The following NFIA variants were observed in gnomAD, a reference collection of about 807,000 sequenced individuals.
NFIA encodes nuclear factor 1 A-type.
In NFIA, 8 loss-of-function variants were observed where a neutral mutation model predicts 62.8. That is an observed-to-expected ratio of 0.13 (90% CI 0.07 to 0.23). The LOEUF is 0.23. Ranked by LOEUF, NFIA falls within the 10% of genes least tolerant of loss-of-function variation. The pLI is 1.00. For synonymous variants in NFIA, 235 were observed against 238.1 expected (o/e 0.99, Z 0.12); for missense variants, 410 against 642.1 (o/e 0.64, Z 3.91).
intron 2 of NFIA, among the ~76,000 whole-genome samples, chr1:61,127,154 C>A (rs1377035477): frequency 1.4e-5 from 2 of 146,904 alleles, no homozygotes; most frequent in African/African-American, 5.0e-5. Context: ...AACAAAACTC[C>A]CATCTCAAAA....
intron 3 of NFIA, among the ~76,000 whole-genome samples, chr1:61,290,601 A>G (rs1449495617): frequency 6.6e-6 from 1 of 152,186 alleles, no homozygotes; most frequent in Admixed American, 6.5e-5. Flanking sequence ...TACAGCTTTG[A>G]ACTCTTCAGT....
At chr1:61,439,218 C>G (rs1165673915) in intron 10 of NFIA, among the ~76,000 whole-genome samples, 3 of 152,130 alleles carry the variant, frequency 2.0e-5, no homozygotes, top group Non-Finnish European at 4.4e-5. Context: ...TGCCTTGCTG[C>G]TGCATCAAGA....
chr1:61,205,266 G>C (rs1652820938), intron 2 of NFIA, among the ~76,000 whole-genome samples: 2 of 152,164 alleles, frequency 1.3e-5, no homozygotes, highest in South Asian at 4.1e-4. Flanking sequence ...TAAGTTGCCT[G>C]AGAATTTTAG....
At chr1:61,382,199 G>A (rs1388784217) in intron 6 of NFIA, among the ~76,000 whole-genome samples, 1 of 151,752 alleles carries the variant, frequency 6.6e-6, no homozygotes, top group East Asian at 1.9e-4. Flanking sequence ...GTTTTAATTG[G>A]CACCCTATCA....
intron 2 of NFIA, among the ~76,000 whole-genome samples, chr1:61,135,742 T>A (rs1401898091): frequency 6.6e-6 from 1 of 152,208 alleles, no homozygotes; most frequent in African/African-American, 2.4e-5. Context: ...TTCCAAAATA[T>A]TGTTAGTGTT....
At chr1:61,205,095 A>C (rs2100595433) in intron 2 of NFIA, among the ~76,000 whole-genome samples, 1 of 152,340 alleles carries the variant, frequency 6.6e-6, no homozygotes, top group Admixed American at 6.5e-5. Flanking sequence ...CTATCCTATA[A>C]GGTAATACTA....
At chr1:61,158,544 G>T (rs1648966653) in intron 2 of NFIA, among the ~76,000 whole-genome samples, 1 of 152,176 alleles carries the variant, frequency 6.6e-6, no homozygotes, top group South Asian at 2.1e-4. Flanking sequence ...ATCTTACCAT[G>T]TTGAATTAAT....
At chr1:61,141,316 A>G (rs1207321460) in intron 2 of NFIA, among the ~76,000 whole-genome samples, 1 of 152,130 alleles carries the variant, frequency 6.6e-6, no homozygotes, top group Non-Finnish European at 1.5e-5. Context: ...TTTCCAATAC[A>G]TCTGCTCATC....
intron 2 of NFIA, among the ~76,000 whole-genome samples, chr1:61,165,030 A>G (rs1649479439): frequency 6.6e-6 from 1 of 152,192 alleles, no homozygotes; most frequent in African/African-American, 2.4e-5. Context: ...TTCGTATTAT[A>G]TATACGATAG....
chr1:61,292,616 G>A (rs1468234267), intron 3 of NFIA, among the ~76,000 whole-genome samples: 3 of 152,110 alleles, frequency 2.0e-5, no homozygotes, highest in Non-Finnish European at 4.4e-5. Context: ...TGGTGTTTGG[G>A]GCATATGGTG....
intron 2 of NFIA, among the ~76,000 whole-genome samples, chr1:61,207,974 C>CTTTTTTTTTTTT (rs11444962): frequency 8.7e-6 from 1 of 115,436 alleles, no homozygotes; most frequent in Admixed American, 8.7e-5. Context: ...TGCACTGAAC[C>CTTTTTTTTTTTT]TTTTTTTTTT....
At chr1:61,440,740 A>ATACT (rs1208559814) in intron 10 of NFIA, among the ~76,000 whole-genome samples, 11 of 151,000 alleles carry the variant, frequency 7.3e-5, no homozygotes, top group Non-Finnish European at 1.6e-4. Flanking sequence ...AAATTTTTAG[A>ATACT]GCTCTGGATA....
chr1:61,136,546 C>T (rs1465205568), intron 2 of NFIA, among the ~76,000 whole-genome samples: 2 of 152,050 alleles, frequency 1.3e-5, no homozygotes, highest in Non-Finnish European at 2.9e-5. Context: ...CTATGAGAGG[C>T]AAATTAAAAC....
intron 7 of NFIA, among the ~76,000 whole-genome samples, chr1:61,394,237 G>A (rs1665154619): frequency 6.6e-6 from 1 of 152,144 alleles, no homozygotes; most frequent in African/African-American, 2.4e-5. Context: ...GCAGTGGCAC[G>A]ATCTTGGCTC....
At chr1:61,212,833 G>A (rs190399754) in intron 2 of NFIA, among the ~76,000 whole-genome samples, 1 of 152,208 alleles carries the variant, frequency 6.6e-6, no homozygotes, top group African/African-American at 2.4e-5. Flanking sequence ...TAAACCACTT[G>A]TGGATAATCG....
chr1:61,265,174 T>A (rs1657081283), intron 2 of NFIA, among the ~76,000 whole-genome samples: 1 of 152,360 alleles, frequency 6.6e-6, no homozygotes, highest in South Asian at 2.1e-4. Context: ...CCTTTTAGCA[T>A]GTTCCACTGT....
chr1:61,288,805 T>A (rs572321490), intron 3 of NFIA, among the ~76,000 whole-genome samples: 1 of 152,306 alleles, frequency 6.6e-6, no homozygotes, highest in East Asian at 1.9e-4. Context: ...CTCACTCCCA[T>A]TGCCTAGGCT....
intron 2 of NFIA, among the ~76,000 whole-genome samples, chr1:61,135,782 C>T (rs1254425805): frequency 6.6e-6 from 1 of 152,160 alleles, no homozygotes; most frequent in Non-Finnish European, 1.5e-5. Context: ...TTGCTAACGA[C>T]AGTCATCCAG....
intron 2 of NFIA, among the ~76,000 whole-genome samples, chr1:61,179,101 C>T (rs142766710): frequency 5.3e-4 from 80 of 152,342 alleles, no homozygotes; most frequent in African/African-American, 1.3e-3. Context: ...AGAGAGACTA[C>T]GGTGTTTGTG....
Sources: allele counts gnomAD v4.1 joint callset (sites outside exome capture counted in the v4.1 genomes callset), GRCh38; gene constraint gnomAD v4.1.1; transcripts MANE v1.5; gene names NCBI Gene and HGNC (gene_info 2026-07-23, HGNC 2026-07-21).